SKIL: variants seen among roughly 807,000 people sequenced by gnomAD.
SKIL encodes the protein ski-like protein.
SKIL carries 20 observed loss-of-function variants against 69.6 expected under a neutral mutation model. The ratio of observed to expected loss-of-function variants is 0.29; its 90% confidence interval spans 0.20 to 0.42. SKIL has a LOEUF of 0.42. SKIL is among the 10% of genes least tolerant of loss of function. The pLI is 1.00. For synonymous variants in SKIL, 310 were observed against 279.9 expected (o/e 1.11, Z -1.08); for missense variants, 745 against 783.1 (o/e 0.95, Z 0.58).
chr3:170,374,993 A>T (rs1246462143), intron 2 of SKIL, among the ~76,000 whole-genome samples: 1 of 152,254 alleles, frequency 6.6e-6, no homozygotes. Flanking sequence ...CTGCACTGTC[A>T]TTCAGAATTC....
In SKIL at chr3:170,394,856, A is replaced by T. The variant is rs959781301; in HGVS notation, c.*2439A>T. 2.0e-5 allele frequency: 3 copies of T among 152,324 alleles called. No homozygotes were observed. Among genetic ancestry groups the T allele is most frequent in the Admixed American group, 6.5e-5 (1 of 15,296 alleles). The allele number at this position is 152,324 out of a possible 1,614,324, so 9.4% of individuals were successfully genotyped here. ...AGATTTTGTAATACCTTATAAGTGG[A>T]GTTGGCTAAAATACCTTATCCATAT... On this transcript the variant is annotated 3_prime_UTR_variant, in exon 7 of 7. Transcript: ENST00000259119.
At position 170,360,433 on chromosome 3, in the gene SKIL, G is replaced by A. The variant is rs778454510; in HGVS notation, c.102G>A (p.Thr34=). Reference sequence around the variant, plus strand: ...GCCCCCCAGCGAAAAAAATGATAACGGACATTCATGCAAATGGAAAAACGA... The same window carrying A: ...GCCCCCCAGCGAAAAAAATGATAACAGACATTCATGCAAATGGAAAAACGA... ...DGSPPAKKMI[T]DIHANGKTIN... The change falls in exon 2 of 7, where the codon ACG becomes ACA. Residue 34 remains threonine, a synonymous_variant. Transcript: ENST00000259119. The A allele has an allele frequency of 2.5e-6, 4 of 1,613,728 alleles. No individual in the cohort carries two copies. Among genetic ancestry groups the A allele is most frequent in the Admixed American group, 1.7e-5 (1 of 59,960 alleles).
intron 2 of SKIL, among the ~76,000 whole-genome samples, chr3:170,368,768 A>T (rs1345328979): frequency 6.6e-6 from 1 of 152,244 alleles, no homozygotes; most frequent in Admixed American, 6.5e-5. Flanking sequence ...GCTTACTAAA[A>T]TGAAGTGTGC....
chr3:170,378,425 TTA>T (rs1327198240), intron 2 of SKIL, among the ~76,000 whole-genome samples: 4 of 152,214 alleles, frequency 2.6e-5, no homozygotes, highest in African/African-American at 9.6e-5. Flanking sequence ...TCACTACTGC[TTA>T]ACATCCAGAG....
At position 170,360,992 on chromosome 3, in the gene SKIL, A is replaced by G; in HGVS notation, c.661A>G (p.Ile221Val). Residue 221 changes from isoleucine (I) to valine (V), a missense_variant, in exon 2 of 7, where the codon ATT becomes GTT. Transcript: ENST00000259119. ...ATTCAATGCCCCATCCTGTGGGCTGATTACATTAACTGATGCACAAAGATT... is the reference window on the plus strand; with the variant it reads ...ATTCAATGCCCCATCCTGTGGGCTGGTTACATTAACTGATGCACAAAGATT... ...LPFNAPSCGL[I>V]TLTDAQRLCN... The G allele has an allele frequency of 6.2e-7, 1 of 1,614,214 alleles. No homozygotes were observed. The highest frequency in any genetic ancestry group is 8.5e-7 in the Non-Finnish European group (1 of 1,180,032).
chr3:170,384,432 GAA>G (rs915736449), intron 3 of SKIL, 99 bp from the exon 4 acceptor site: 68 of 539,636 alleles, frequency 1.3e-4, no homozygotes, highest in Non-Finnish European at 1.1e-4. Flanking sequence ...GTTTTGGTTA[GAA>G]AAAAAAAAGT....
rs1051118126 is a variant in SKIL, at chr3:170,373,201, A to G, written c.1099-8043A>G. On this transcript the variant is annotated intron_variant, in intron 2 of 6. Transcript: ENST00000259119. Reference sequence around the variant, plus strand: ...TTTTTATTTTTTAGATAGTCTTGCTATGTCGCCCAGGCTGGAGTACAGTGG... The same window carrying G: ...TTTTTATTTTTTAGATAGTCTTGCTGTGTCGCCCAGGCTGGAGTACAGTGG... Among the ~76,000 whole-genome samples, 8 of 146,440 alleles carry G rather than the reference A, an allele frequency of 5.5e-5. No homozygotes were observed. In the East Asian group the frequency reaches 1.6e-3, roughly 29 times the overall value.
intron 2 of SKIL, among the ~76,000 whole-genome samples, chr3:170,372,023 C>T (rs1044459401): frequency 2.6e-5 from 4 of 152,028 alleles, no homozygotes; most frequent in Non-Finnish European, 5.9e-5. Flanking sequence ...AAAAGTAAAG[C>T]CTTAGAATTA....
At position 170,395,477 on chromosome 3, in the gene SKIL, G is replaced by A. The variant is rs1388944021; in HGVS notation, c.*3060G>A. 1 of 152,032 alleles carries A rather than the reference G, an allele frequency of 6.6e-6. No individual in the cohort carries two copies. The highest frequency in any genetic ancestry group is 6.5e-5 in the Admixed American group (1 of 15,268). The allele number at this position is 152,032 out of a possible 1,614,324, so 9.4% of individuals were successfully genotyped here. A position where few individuals can be genotyped will look rare whatever the true frequency, so the allele number is the denominator to read the frequency against. On this transcript the variant is annotated 3_prime_UTR_variant, in exon 7 of 7. Transcript: ENST00000259119. ...AATTGTAAAGCAGCTATTAAAGTAG[G>A]TGAAATAAAGTATATATTTGCCGGT... is the stretch of plus-strand genomic sequence containing the variant.
At chr3:170,365,131 C>T (rs1319071711) in intron 2 of SKIL, among the ~76,000 whole-genome samples, 1 of 151,936 alleles carries the variant, frequency 6.6e-6, no homozygotes, top group African/African-American at 2.4e-5. Flanking sequence ...GTGAAGTACA[C>T]TTATTTTTTA....
intron 2 of SKIL, among the ~76,000 whole-genome samples, chr3:170,374,725 G>C (rs761860942): frequency 1.3e-5 from 2 of 152,134 alleles, no homozygotes; most frequent in Non-Finnish European, 2.9e-5. Context: ...CATACAGTTA[G>C]GATAATTTGT....
Position 170,360,598 on chromosome 3 carries a change from A to G in SKIL, c.267A>G (p.Thr89=). Residue 89 remains threonine (T), a synonymous_variant, in exon 2 of 7, where the codon ACA becomes ACG. Transcript: ENST00000259119. ...ATTTAAATCCCAGTTTGAAACACACATTGGCACAATTCCATTTAAGTAGTC... is the reference window on the plus strand; with the variant it reads ...ATTTAAATCCCAGTTTGAAACACACGTTGGCACAATTCCATTTAAGTAGTC... The part of the protein sequence containing the change: ...TLHLNPSLKH[T]LAQFHLSSQS... The G allele has an allele frequency of 1.2e-6, 2 of 1,614,200 alleles. No homozygotes were observed. Among genetic ancestry groups the G allele is most frequent in the South Asian group, 1.1e-5 (1 of 91,082 alleles).
rs142847903 is a variant in SKIL, at chr3:170,388,111, C to T, written c.1430-2112C>T. Among the ~76,000 whole-genome samples the T allele has an allele frequency of 3.9e-5, 6 of 152,042 alleles. No homozygotes were observed. The East Asian group carries it at 9.7e-4, about 25-fold the overall frequency. The stretch of plus-strand genomic sequence containing the variant: ...CTGCCAAACTTTTCAAAAGCAGTTG[C>T]ACCATTTTACATTCCTGTGGTAGCT... On this transcript the variant is annotated intron_variant, in intron 4 of 6. Coordinates refer to ENST00000259119, the MANE Select transcript of SKIL (RefSeq NM_005414.5).
intron 1 of SKIL, chr3:170,358,731 G>T (rs1315662885): frequency 1.3e-5 from 2 of 152,208 alleles, no homozygotes; most frequent in African/African-American, 4.8e-5. Context: ...TGGAAAAAGA[G>T]TCTTTTCTTT....
At chr3:170,387,627 A>G (rs1201437189) in intron 4 of SKIL, among the ~76,000 whole-genome samples, 1 of 151,894 alleles carries the variant, frequency 6.6e-6, no homozygotes, top group African/African-American at 2.4e-5. Context: ...GGCAATTAAG[A>G]ATAATGCTGC....
intron 2 of SKIL, among the ~76,000 whole-genome samples, chr3:170,380,233 G>C (rs1396770964): frequency 6.6e-6 from 1 of 152,188 alleles, no homozygotes; most frequent in African/African-American, 2.4e-5. Flanking sequence ...CTGTAGAATG[G>C]TATCTAGCTA....
At chr3:170,377,071 C>T (rs1737065999) in intron 2 of SKIL, among the ~76,000 whole-genome samples, 1 of 152,158 alleles carries the variant, frequency 6.6e-6, no homozygotes, top group Non-Finnish European at 1.5e-5. Flanking sequence ...CACTTAGCAT[C>T]TATCATTTAG....
chr3:170,364,150 A>G (rs1452685952), intron 2 of SKIL, among the ~76,000 whole-genome samples: 2 of 151,504 alleles, frequency 1.3e-5, no homozygotes, highest in African/African-American at 4.9e-5. Context: ...AGGGGGTTTC[A>G]CCATGTTGCC....
chr3:170,375,723 C>T (rs930226996), intron 2 of SKIL, among the ~76,000 whole-genome samples: 35 of 151,130 alleles, frequency 2.3e-4, no homozygotes, highest in African/African-American at 7.7e-4. Context: ...TACAGGCATG[C>T]GTCACCACGG....
Sources: gnomAD v4.1 joint callset for allele counts (sites outside exome capture counted in the v4.1 genomes callset) on GRCh38, gnomAD v4.1.1 for gene constraint, MANE v1.5 for transcripts, NCBI Gene and HGNC (gene_info 2026-07-23, HGNC 2026-07-21) for gene names.